The following GRM7 variants were observed in gnomAD, a reference collection of about 807,000 sequenced individuals.
GRM7 encodes metabotropic glutamate receptor 7.
Under a neutral mutation model 84.5 loss-of-function variants are expected in GRM7, and 35 were observed. That is an observed-to-expected ratio of 0.41 (90% CI 0.32 to 0.55). GRM7 has a LOEUF of 0.55. GRM7 is among the 20% of genes least tolerant of loss of function. The probability of loss-of-function intolerance (pLI) is 0.19; values close to 1 mark genes in which losing one functional copy is unlikely to be tolerated. For synonymous variants in GRM7, 487 were observed against 455.1 expected, an observed-to-expected ratio of 1.07 and a Z score of -0.89; for missense variants, 1,003 against 1,194.6, an observed-to-expected ratio of 0.84 and a Z score of 2.36.
intron 7 of GRM7, among the ~76,000 whole-genome samples, chr3:7,548,506 G>A (rs1435437964): frequency 6.6e-6 from 1 of 152,214 alleles, no homozygotes; most frequent in African/African-American, 2.4e-5. Context: ...CTAAGACAAT[G>A]TCTGAAAGAA....
intron 1 of GRM7, among the ~76,000 whole-genome samples, chr3:6,898,192 G>T (rs75753540): frequency 2.0e-5 from 3 of 152,244 alleles, no homozygotes; most frequent in Admixed American, 1.3e-4. Flanking sequence ...ATCACTTGTC[G>T]TTCTCATGTG....
chr3:6,953,453 A>T (rs1045836009), intron 1 of GRM7, among the ~76,000 whole-genome samples: 1 of 152,228 alleles, frequency 6.6e-6, no homozygotes, highest in Non-Finnish European at 1.5e-5. Flanking sequence ...CTTGACAAAC[A>T]TAAAGAACTC....
intron 7 of GRM7, among the ~76,000 whole-genome samples, chr3:7,531,800 T>C (rs1319675962): frequency 2.0e-5 from 3 of 152,148 alleles, no homozygotes; most frequent in Non-Finnish European, 4.4e-5. Context: ...TTTATTTCTT[T>C]CTCTTACCTG....
At chr3:7,644,134 G>GTT (rs1698497284) in intron 8 of GRM7, among the ~76,000 whole-genome samples, 1 of 143,178 alleles carries the variant, frequency 7.0e-6, no homozygotes, top group Non-Finnish European at 1.5e-5. Context: ...GTGTGTGTGT[G>GTT]TGTATATATA....
chr3:7,211,028 C>T (rs1454252695), intron 2 of GRM7, among the ~76,000 whole-genome samples: 1 of 152,120 alleles, frequency 6.6e-6, no homozygotes, highest in African/African-American at 2.4e-5. Context: ...GAAAAGGCAA[C>T]TCCATAAATA....
At chr3:7,075,546 T>TGTGTGTGTGTG (rs1698041916) in intron 1 of GRM7, among the ~76,000 whole-genome samples, 2 of 90,688 alleles carry the variant, frequency 2.2e-5, no homozygotes, top group African/African-American at 4.4e-5. Flanking sequence ...GTGTGTGTGT[T>TGTGTGTGTGTG]TGGAGATGGA....
At chr3:6,922,554 C>G (rs1203611964) in intron 1 of GRM7, among the ~76,000 whole-genome samples, 1 of 152,142 alleles carries the variant, frequency 6.6e-6, no homozygotes, top group Non-Finnish European at 1.5e-5. Context: ...TTCTTTTACT[C>G]TTGCAGTGGC....
intron 8 of GRM7, among the ~76,000 whole-genome samples, chr3:7,659,239 G>A (rs543550557): frequency 2.0e-5 from 3 of 152,276 alleles, no homozygotes; most frequent in African/African-American, 7.2e-5. Context: ...GTTTACTCCT[G>A]TTTTCAAGGA....
chr3:7,572,749 A>G (rs373592668), intron 7 of GRM7, among the ~76,000 whole-genome samples: 1 of 146,762 alleles, frequency 6.8e-6, no homozygotes, highest in African/African-American at 2.5e-5. Flanking sequence ...GTGAACCTGG[A>G]AGGCGGAGCT....
At chr3:7,495,882 C>A (rs915423127) in intron 7 of GRM7, among the ~76,000 whole-genome samples, 1 of 152,192 alleles carries the variant, frequency 6.6e-6, no homozygotes, top group Admixed American at 6.5e-5. Context: ...TTTTACCACC[C>A]TTTAAAGTTA....
At chr3:7,645,545 T>TCA (rs1698589291) in intron 8 of GRM7, among the ~76,000 whole-genome samples, 1 of 53,076 alleles carries the variant, frequency 1.9e-5, no homozygotes, top group Non-Finnish European at 3.4e-5. Flanking sequence ...AGACTCCATC[T>TCA]TAAAAAAAAA....
At chr3:7,312,841 GC>G (rs1700448810) in intron 4 of GRM7, among the ~76,000 whole-genome samples, 2 of 151,820 alleles carry the variant, frequency 1.3e-5, no homozygotes, top group South Asian at 4.1e-4. Flanking sequence ...AAGTAAAAGG[GC>G]CATAAACTGT....
rs149268189 is a variant in GRM7, at chr3:7,321,674, T to G, written c.1033+15022T>G. 1.7e-3 allele frequency among the ~76,000 whole-genome samples: 251 copies of G among 152,094 alleles called. 1 individual carries two copies. Among genetic ancestry groups the G allele is most frequent in the African/African-American group, 5.7e-3 (238 of 41,524 alleles). ...AAGTCAATCACTCTGACACTGATAT[T>G]TGGAGCACTAATTTATTCTAACCTC... On this transcript the variant is annotated intron_variant, in intron 4 of 9. Transcript: ENST00000357716.
intron 4 of GRM7, among the ~76,000 whole-genome samples, chr3:7,356,692 A>G (rs1693419713): frequency 6.6e-6 from 1 of 152,106 alleles, no homozygotes; most frequent in African/African-American, 2.4e-5. Flanking sequence ...ATGTTATCAG[A>G]GTCTTTGATG....
At chr3:7,661,928 C>G (rs530556921) in intron 8 of GRM7, among the ~76,000 whole-genome samples, 12 of 151,938 alleles carry the variant, frequency 7.9e-5, no homozygotes, top group African/African-American at 2.4e-4. Context: ...TTTATCCCCC[C>G]CAATGAAAAA....
At chr3:7,485,532 C>A (rs889000459) in intron 7 of GRM7, among the ~76,000 whole-genome samples, 7 of 152,128 alleles carry the variant, frequency 4.6e-5, no homozygotes, top group African/African-American at 1.7e-4. Context: ...GTTATACATA[C>A]CTTTTCCTTT....
intron 5 of GRM7, among the ~76,000 whole-genome samples, chr3:7,435,613 A>G (rs1697012715): frequency 6.6e-6 from 1 of 151,268 alleles, no homozygotes. Context: ...CCCGGCTCCA[A>G]GAAATTCTCC....
chr3:7,293,547 C>T (rs1382167464), intron 2 of GRM7, among the ~76,000 whole-genome samples: 1 of 152,176 alleles, frequency 6.6e-6, no homozygotes, highest in Admixed American at 6.5e-5. Flanking sequence ...TTCCAGTTCT[C>T]CCTACTTGTT....
rs145001315 is a variant in GRM7, at chr3:7,349,633, T to G, written c.1033+42981T>G. On this transcript the variant is annotated intron_variant, in intron 4 of 9. Transcript: ENST00000357716. The stretch of plus-strand genomic sequence containing the variant: ...GACTGGGCGCAGCCCCTGGGGAACT[T>G]TAGATAGTACCGGGCTGGCCAAATC... Among the ~76,000 whole-genome samples the G allele has an allele frequency of 7.2e-3, 1,090 of 152,258 alleles. 11 individuals carry two copies. The highest frequency in any genetic ancestry group is 0.022 in the African/African-American group (933 of 41,566).
Sources: allele counts gnomAD v4.1 joint callset (sites outside exome capture counted in the v4.1 genomes callset), GRCh38; gene constraint gnomAD v4.1.1; transcripts MANE v1.5; gene names NCBI Gene and HGNC (gene_info 2026-07-23, HGNC 2026-07-21).